The following DNAH14 variants were observed in gnomAD, a reference collection of about 807,000 sequenced individuals.
DNAH14 encodes axonemal beta dynein heavy chain 14.
In DNAH14, 478 loss-of-function variants were observed where a neutral mutation model predicts 520.9. The ratio of observed to expected loss-of-function variants is 0.92; its 90% confidence interval spans 0.85 to 0.99. The LOEUF is 0.99. Ranked by LOEUF, DNAH14 falls within the 50% of genes least tolerant of loss-of-function variation. DNAH14 has a pLI of 0.00. For missense variants in DNAH14, 4,831 were observed against 5,234.5 expected, an observed-to-expected ratio of 0.92 and a Z score of 2.38; for synonymous variants, 1,581 against 1,757.2, an observed-to-expected ratio of 0.90 and a Z score of 2.51.
At chr1:225,185,505 A>G in intron 37 of DNAH14, 80 bp downstream of exon 37, 3 of 1,352,376 alleles carry the variant, frequency 2.2e-6, no homozygotes, top group African/African-American at 1.5e-5. Flanking sequence ...TTCTCTTTAT[A>G]TTGGTATTTT....
chr1:225,344,108 T>G (rs1161866549), intron 69 of DNAH14, among the ~76,000 whole-genome samples: 1 of 152,152 alleles, frequency 6.6e-6, no homozygotes, highest in Non-Finnish European at 1.5e-5. Flanking sequence ...AAGACTGTGA[T>G]CTTTGAGTAA....
At chr1:225,063,789 C>T (rs750972463) in intron 17 of DNAH14, among the ~76,000 whole-genome samples, 1 of 151,518 alleles carries the variant, frequency 6.6e-6, no homozygotes, top group African/African-American at 2.4e-5. Context: ...ATCTGAGGAG[C>T]GCTCAATGAA....
chr1:225,145,231 C>G (rs1489452176), intron 29 of DNAH14, 95 bp from the exon 30 acceptor site: 1 of 1,011,646 alleles, frequency 9.9e-7, no homozygotes, highest in South Asian at 1.9e-5. Context: ...AAAGTTTTCT[C>G]AAAAGCATAA....
chr1:225,074,113 C>A (rs1400991094), intron 17 of DNAH14, among the ~76,000 whole-genome samples: 1 of 149,458 alleles, frequency 6.7e-6, no homozygotes, highest in Non-Finnish European at 1.5e-5. Flanking sequence ...CATTCTCCTG[C>A]CTCAGCCTCC....
At position 225,123,589 on chromosome 1, in the gene DNAH14, A is replaced by T. The variant is rs1190607289; in HGVS notation, c.4229A>T (p.His1410Leu). 2.3e-6 allele frequency: 1 copy of T among 431,170 alleles called. No homozygotes were observed. The highest frequency in any genetic ancestry group is 2.0e-5 in the African/African-American group (1 of 49,226). The allele number at this position is 431,170 out of a possible 1,614,324, so 26.7% of individuals were successfully genotyped here. A position where few individuals can be genotyped will look rare whatever the true frequency, so the allele number is the denominator to read the frequency against. Reference sequence around the variant, plus strand: ...ATGTTTTCCCAATGGGTGTTATCTCATCCAGGACAAGTGGTACTTACTGTG... The same window carrying T: ...ATGTTTTCCCAATGGGTGTTATCTCTTCCAGGACAAGTGGTACTTACTGTG... Reference protein sequence around the residue: ...CQMFSQWVLSHPGQVVLTVSQ... With the variant: ...CQMFSQWVLSLPGQVVLTVSQ... Residue 1410 changes from histidine (H) to leucine (L), a missense_variant, in exon 27 of 86, where the codon CAT becomes CTT. Transcript: ENST00000682510.
At chr1:225,351,174 T>C (rs542816006) in intron 71 of DNAH14, among the ~76,000 whole-genome samples, 19 of 152,142 alleles carry the variant, frequency 1.2e-4, no homozygotes, top group South Asian at 6.2e-4. Context: ...GAGGTCAAGA[T>C]TGGGGGCAGA....
chr1:225,035,023 C>T (rs1043983887), intron 11 of DNAH14, among the ~76,000 whole-genome samples: 10 of 144,736 alleles, frequency 6.9e-5, no homozygotes, highest in Non-Finnish European at 1.2e-4. Context: ...TCAAAAACAA[C>T]AGCTCCTGGA....
chr1:224,976,155 C>A (rs2061823286), intron 8 of DNAH14, among the ~76,000 whole-genome samples: 1 of 151,804 alleles, frequency 6.6e-6, no homozygotes, highest in Admixed American at 6.6e-5. Flanking sequence ...ACTATGTGGT[C>A]AATTTTGGAA....
At chr1:224,963,419 C>T (rs1428114489) in intron 4 of DNAH14, among the ~76,000 whole-genome samples, 2 of 152,078 alleles carry the variant, frequency 1.3e-5, no homozygotes, top group Admixed American at 1.3e-4. Context: ...ACATTTATAG[C>T]TCTAATCCAT....
In DNAH14 at chr1:225,281,264, TC is replaced by T. The variant is rs1011015326; in HGVS notation, c.8271+3765del. Among the ~76,000 whole-genome samples the T allele has an allele frequency of 5.4e-4, 82 of 152,276 alleles. 1 individual carries two copies. Among genetic ancestry groups the T allele is most frequent in the African/African-American group, 1.8e-3 (75 of 41,562 alleles). Reference sequence around the variant, plus strand: ...TACTAGCTTCTAGAGTCTTTCTGGATCCCTTGGCTCATAACTGCCTTTATCC... The same window carrying T: ...TACTAGCTTCTAGAGTCTTTCTGGATCCTTGGCTCATAACTGCCTTTATCC... On this transcript the variant is annotated intron_variant, in intron 54 of 85. Coordinates refer to ENST00000682510, the MANE Select transcript of DNAH14 (RefSeq NM_001367479.1).
intron 84 of DNAH14, chr1:225,396,117 T>C (rs80058264): frequency 6.6e-6 from 1 of 152,310 alleles, no homozygotes; most frequent in Non-Finnish European, 1.5e-5. Context: ...TGTCCTTTTA[T>C]AGACAGGGAG....
intron 21 of DNAH14, among the ~76,000 whole-genome samples, chr1:225,095,005 A>C (rs1258181929): frequency 6.6e-6 from 1 of 152,148 alleles, no homozygotes; most frequent in Non-Finnish European, 1.5e-5. Context: ...CATTATTAAA[A>C]GGTCAAAAAA....
chr1:225,375,914 C>A (rs1433193838), intron 78 of DNAH14, among the ~76,000 whole-genome samples: 1 of 147,732 alleles, frequency 6.8e-6, no homozygotes, highest in African/African-American at 2.5e-5. Context: ...TGATGAAACC[C>A]TCATCTCTAC....
chr1:225,189,976 T>G (rs1335659696), intron 37 of DNAH14, among the ~76,000 whole-genome samples: 3 of 151,886 alleles, frequency 2.0e-5, no homozygotes, highest in African/African-American at 7.2e-5. Context: ...AGATTGCAGT[T>G]AACAACTGTT....
chr1:225,369,581 C>A (rs1469001799), intron 77 of DNAH14, among the ~76,000 whole-genome samples: 1 of 151,656 alleles, frequency 6.6e-6, no homozygotes, highest in African/African-American at 2.4e-5. Context: ...TTTCAAAAAA[C>A]CTCCATCAGG....
chr1:225,227,891 A>G (rs771385335), intron 41 of DNAH14, among the ~76,000 whole-genome samples: 1 of 152,168 alleles, frequency 6.6e-6, no homozygotes, highest in Non-Finnish European at 1.5e-5. Flanking sequence ...ATGGGAGCTA[A>G]TATTTCCATT....
At chr1:225,116,890 C>T (rs1376959680) in intron 23 of DNAH14, among the ~76,000 whole-genome samples, 5 of 152,026 alleles carry the variant, frequency 3.3e-5, no homozygotes, top group African/African-American at 4.8e-5. Context: ...TGGCAGAGCA[C>T]GAGACAACTG....
intron 66 of DNAH14, among the ~76,000 whole-genome samples, chr1:225,335,619 A>G (rs1457672308): frequency 8.0e-6 from 1 of 124,976 alleles, no homozygotes; most frequent in East Asian, 2.8e-4. Context: ...ATGTGTATAT[A>G]CGCATATATA....
At chr1:225,082,843 T>C (rs965764403) in intron 20 of DNAH14, 104 bp downstream of exon 20, 23 of 925,406 alleles carry the variant, frequency 2.5e-5, no homozygotes, top group Non-Finnish European at 3.7e-5. Context: ...AAAGGAAGTT[T>C]ATAAGAGTGC....
Sources: allele counts gnomAD v4.1 joint callset (sites outside exome capture counted in the v4.1 genomes callset), GRCh38; gene constraint gnomAD v4.1.1; transcripts MANE v1.5; gene names NCBI Gene and HGNC (gene_info 2026-07-23, HGNC 2026-07-21).